Variants in SOAT1 observed in about 807,000 individuals in gnomAD.
SOAT1 encodes the protein acyl-coenzyme A:cholesterol acyltransferase 1.
Under a neutral mutation model 69.5 loss-of-function variants are expected in SOAT1, and 55 were observed. The observed-to-expected ratio is 0.79, with a 90% CI of 0.64 to 0.99. The LOEUF (loss-of-function observed/expected upper bound fraction) is 0.99, where lower values mean the gene tolerates loss of function less well. Among genes scored for constraint, SOAT1 ranks in the 50% least tolerant of loss-of-function variants. The pLI, the probability that SOAT1 is intolerant of heterozygous loss-of-function variation, is 0.00. For synonymous variants in SOAT1, 231 were observed against 224.7 expected, an observed-to-expected ratio of 1.03 and a Z score of -0.25; for missense variants, 580 against 669.3, an observed-to-expected ratio of 0.87 and a Z score of 1.47.
At position 179,323,461 on chromosome 1, in the gene SOAT1, T is replaced by C; in HGVS notation, c.143T>C (p.Ile48Thr). The change falls in exon 3 of 16, where the codon ATA (isoleucine) becomes ACA (threonine). Residue 48 changes from isoleucine to threonine, a missense_variant. Transcript: ENST00000367619. ...GGTCGAATTGACATAAAACAGTTGA[T>C]AGCAAAGAAGATAAAGTTGACAGCA... ...SNGRIDIKQL[I>T]AKKIKLTAEA... 6.2e-7 allele frequency: 1 copy of C among 1,613,922 alleles called. No homozygotes were observed. Among genetic ancestry groups the C allele is most frequent in the Non-Finnish European group, 8.5e-7 (1 of 1,179,934 alleles).
At chr1:179,304,105 A>C (rs1331023285) in intron 2 of SOAT1, among the ~76,000 whole-genome samples, 1 of 152,214 alleles carries the variant, frequency 6.6e-6, no homozygotes, top group Non-Finnish European at 1.5e-5. Context: ...TAAATCAAGA[A>C]GTGTAACAAC....
chr1:179,355,075 C>T lies in SOAT1; in HGVS notation c.*1434C>T, dbSNP rs1037144369. On this transcript the variant is annotated 3_prime_UTR_variant, in exon 16 of 16. Coordinates refer to ENST00000367619, the MANE Select transcript of SOAT1 (RefSeq NM_003101.6). ...ATCCAGCTTAATCACGTATCTTACT[C>T]ACGATACCACTGGTCCAGATGAGTT... 4 of 152,164 alleles carry T rather than the reference C, an allele frequency of 2.6e-5. No homozygotes were observed. The highest frequency in any genetic ancestry group is 9.7e-5 in the African/African-American group (4 of 41,430). The allele number at this position is 152,164 out of a possible 1,614,324, so 9.4% of individuals were successfully genotyped here.
In SOAT1 at chr1:179,341,112, T is replaced by C. The variant is rs1488492718; in HGVS notation, c.582T>C (p.Ser194=). 2.5e-6 allele frequency: 4 copies of C among 1,614,050 alleles called. No individual in the cohort carries two copies. The African/African-American group carries it at 4.0e-5, about 16-fold the overall frequency. The part of the protein sequence containing the change: ...VVWTWWIMFL[S]TFSVPYFLFQ... ...GGACCTGGTGGATCATGTTCCTGTCTACATTTTCAGTTCCCTATTTTCTGT... is the reference window on the plus strand; with the variant it reads ...GGACCTGGTGGATCATGTTCCTGTCCACATTTTCAGTTCCCTATTTTCTGT... Residue 194 remains serine (S), a synonymous_variant, in exon 7 of 16, where the codon TCT becomes TCC. Transcript: ENST00000367619.
chr1:179,335,213 C>T (rs565356957), intron 3 of SOAT1, among the ~76,000 whole-genome samples: 11 of 151,900 alleles, frequency 7.2e-5, no homozygotes, highest in East Asian at 5.8e-4. Flanking sequence ...AAATATTTGC[C>T]GGCAGTGGTG....
intron 3 of SOAT1, among the ~76,000 whole-genome samples, chr1:179,329,710 A>G (rs919175026): frequency 2.0e-5 from 3 of 150,014 alleles, no homozygotes; most frequent in African/African-American, 7.5e-5. Context: ...GCAAGACTTC[A>G]TCTCAAAAAA....
chr1:179,320,087 A>G (rs372848859), intron 2 of SOAT1, among the ~76,000 whole-genome samples: 14 of 152,216 alleles, frequency 9.2e-5, no homozygotes, highest in East Asian at 5.8e-4. Context: ...ATCTATCAAT[A>G]TAGTTTTTCT....
intron 2 of SOAT1, among the ~76,000 whole-genome samples, chr1:179,308,443 A>G (rs1448857606): frequency 6.6e-6 from 1 of 151,992 alleles, no homozygotes; most frequent in African/African-American, 2.4e-5. Flanking sequence ...AGGCCGAGGC[A>G]GGCAGATTGC....
At chr1:179,309,082 A>G (rs1041162430) in intron 2 of SOAT1, among the ~76,000 whole-genome samples, 17 of 152,110 alleles carry the variant, frequency 1.1e-4, no homozygotes, top group Admixed American at 3.3e-4. Flanking sequence ...TGGTATACCT[A>G]TAGGATACAT....
In SOAT1 at chr1:179,354,790, A is replaced by G. The variant is rs897515503; in HGVS notation, c.*1149A>G. 6.6e-6 allele frequency: 1 copy of G among 152,214 alleles called. No individual in the cohort carries two copies. The highest frequency in any genetic ancestry group is 1.5e-5 in the Non-Finnish European group (1 of 68,028). The allele number at this position is 152,214 out of a possible 1,614,324, so 9.4% of individuals were successfully genotyped here. ...TCCATTTTATAAGATGCCCATTTCT[A>G]ATACAATGTGTGTAGGAATTATTTG... On this transcript the variant is annotated 3_prime_UTR_variant, in exon 16 of 16. Transcript: ENST00000367619.
At chr1:179,352,451 A>G (rs1666770992) in intron 15 of SOAT1, among the ~76,000 whole-genome samples, 1 of 151,060 alleles carries the variant, frequency 6.6e-6, no homozygotes. Flanking sequence ...CTTTTTGTGC[A>G]TATAGGGCGT....
intron 3 of SOAT1, among the ~76,000 whole-genome samples, chr1:179,333,766 G>A (rs1346539431): frequency 6.6e-6 from 1 of 150,876 alleles, no homozygotes; most frequent in South Asian, 2.1e-4. Flanking sequence ...CTGGGAGGTG[G>A]AGGTTGCGGT....
rs1319626006 is a variant in SOAT1 at position 179,343,009 on chromosome 1, G to T, written c.941+66G>T. 4 of 1,203,072 alleles carry T rather than the reference G, an allele frequency of 3.3e-6. No homozygotes were observed. The East Asian group carries it at 9.3e-5, about 28-fold the overall frequency. 74.5% of individuals were successfully genotyped at this position (1,203,072 alleles called of 1,614,324 possible). ...GTGTGGCATGAGTGAGGTGGGATAG[G>T]TAAACAGGGGCCAGTTCATGTAGGG... On this transcript the variant is annotated intron_variant, in intron 9 of 15. Transcript: ENST00000367619.
intron 3 of SOAT1, among the ~76,000 whole-genome samples, chr1:179,329,231 A>T (rs527643318): frequency 2.6e-5 from 4 of 151,992 alleles, no homozygotes; most frequent in South Asian, 2.1e-4. Context: ...CCTAGCTACT[A>T]GGGAGGCTGA....
intron 13 of SOAT1, 55 bp from the exon 14 acceptor site, chr1:179,350,241 C>T: frequency 6.8e-7 from 1 of 1,471,792 alleles, no homozygotes; most frequent in Non-Finnish European, 9.4e-7. Flanking sequence ...CTATATAATC[C>T]ATGCTTGCTT....
At chr1:179,326,670 G>C (rs932688333) in intron 3 of SOAT1, among the ~76,000 whole-genome samples, 1 of 148,812 alleles carries the variant, frequency 6.7e-6, no homozygotes, top group African/African-American at 2.5e-5. Flanking sequence ...TGATTCTCCT[G>C]CCTAACCCTC....
intron 3 of SOAT1, among the ~76,000 whole-genome samples, chr1:179,327,180 G>T (rs1461293394): frequency 2.0e-5 from 3 of 152,140 alleles, no homozygotes; most frequent in African/African-American, 7.2e-5. Context: ...AACATGGAAG[G>T]ACTTGAGATG....
chr1:179,351,397 A>G lies in SOAT1; in HGVS notation c.1531A>G (p.Asn511Asp). ...VLMWTSLFLG[N>D]GVLLCFYSQE... ...GATGTGGACTTCTCTTTTCTTGGGCAATGGAGTCTTACTCTGCTTTTATTC... is the reference window on the plus strand; with the variant it reads ...GATGTGGACTTCTCTTTTCTTGGGCGATGGAGTCTTACTCTGCTTTTATTC... The change falls in exon 15 of 16, where the codon AAT (asparagine) becomes GAT (aspartate). Residue 511 changes from asparagine (N) to aspartate (D), a missense_variant. Transcript: ENST00000367619. The G allele has an allele frequency of 6.2e-7, 1 of 1,614,132 alleles. No individual in the cohort carries two copies. Among genetic ancestry groups the G allele is most frequent in the Non-Finnish European group, 8.5e-7 (1 of 1,180,002 alleles).
intron 2 of SOAT1, among the ~76,000 whole-genome samples, chr1:179,316,056 C>A (rs1665381190): frequency 1.3e-5 from 2 of 152,188 alleles, no homozygotes; most frequent in Admixed American, 1.3e-4. Context: ...CTCCATTCTC[C>A]TTGCCATTTA....
At chr1:179,336,274 C>T (rs925878280) in intron 4 of SOAT1, among the ~76,000 whole-genome samples, 9 of 151,690 alleles carry the variant, frequency 5.9e-5, no homozygotes, top group Non-Finnish European at 1.0e-4. Flanking sequence ...ACCAGCCTGG[C>T]CAACAGGGTG....
Sources: gnomAD v4.1 joint callset for allele counts (sites outside exome capture counted in the v4.1 genomes callset) on GRCh38, gnomAD v4.1.1 for gene constraint, MANE v1.5 for transcripts, NCBI Gene and HGNC (gene_info 2026-07-23, HGNC 2026-07-21) for gene names.